ANK3: variants seen among roughly 807,000 people sequenced by gnomAD.
The protein encoded by ANK3 is ankyrin 3, also known as ankyrin-3.
A neutral mutation model predicts 370.9 loss-of-function variants in ANK3; 57 were observed. The observed-to-expected ratio is 0.15, with a 90% CI of 0.12 to 0.19. The LOEUF (loss-of-function observed/expected upper bound fraction) is 0.19, where lower values mean the gene tolerates loss of function less well. Ranked by LOEUF, ANK3 falls within the 10% of genes least tolerant of loss-of-function variation. ANK3 has a pLI of 1.00. For synonymous variants in ANK3, 1,929 were observed against 1,946.3 expected (o/e 0.99, Z 0.23); for missense variants, 4,439 against 5,302.1 (o/e 0.84, Z 5.06).
chr10:60,501,190 G>A (rs2133143157), intron 2 of ANK3, among the ~76,000 whole-genome samples: 1 of 152,228 alleles, frequency 6.6e-6, no homozygotes, highest in African/African-American at 2.4e-5. Context: ...GGAGGAATAG[G>A]GCAGAGAGGA....
intron 1 of ANK3, among the ~76,000 whole-genome samples, chr10:60,336,674 T>C (rs1393547821): frequency 6.6e-6 from 1 of 152,182 alleles, no homozygotes; most frequent in Non-Finnish European, 1.5e-5. Context: ...ATCAGTGGTT[T>C]ACTAAAAAAA....
At chr10:60,528,616 C>T (rs1421773696) in intron 2 of ANK3, among the ~76,000 whole-genome samples, 1 of 152,084 alleles carries the variant, frequency 6.6e-6, no homozygotes, top group African/African-American at 2.4e-5. Flanking sequence ...ATGGTTCAAC[C>T]TATGCATTAG....
At chr10:60,689,270 G>A (rs879894878) in intron 1 of ANK3, among the ~76,000 whole-genome samples, 3 of 152,126 alleles carry the variant, frequency 2.0e-5, no homozygotes, top group South Asian at 2.1e-4. Flanking sequence ...GTGGTGCCAC[G>A]TGCCTGTAGT....
At chr10:60,256,845 TACC>T (rs1232370348) in intron 7 of ANK3, among the ~76,000 whole-genome samples, 3 of 152,236 alleles carry the variant, frequency 2.0e-5, no homozygotes, top group Non-Finnish European at 4.4e-5. Context: ...AGTATATATG[TACC>T]ACATTTTCTT....
chr10:60,240,632 C>T (rs1458046421), intron 7 of ANK3, among the ~76,000 whole-genome samples: 2 of 152,056 alleles, frequency 1.3e-5, no homozygotes, highest in South Asian at 2.1e-4. Context: ...CTTGCTGTTG[C>T]CCAGGCTGGA....
At position 60,688,927 on chromosome 10, in the gene ANK3, G is replaced by A. The variant is rs536590154; in HGVS notation, c.57+44336C>T. Reference sequence around the variant, plus strand: ...CGTGCCACTGCACTCCAGCCTAGGCGACAGAGTGAGACTCCGTTTCAAAAA... The same window carrying A: ...CGTGCCACTGCACTCCAGCCTAGGCAACAGAGTGAGACTCCGTTTCAAAAA... On this transcript the variant is annotated intron_variant, in intron 1 of 43. Coordinates refer to the ANK3 transcript ENST00000373827. 7.4e-5 allele frequency among the ~76,000 whole-genome samples: 11 copies of A among 149,658 alleles called. No homozygotes were observed. The South Asian group carries it at 1.7e-3, about 23-fold the overall frequency.
chr10:60,491,785 T>C (rs2075513943), intron 2 of ANK3, among the ~76,000 whole-genome samples: 1 of 152,162 alleles, frequency 6.6e-6, no homozygotes, highest in Non-Finnish European at 1.5e-5. Context: ...AAATCTCAGT[T>C]TTACTCCTTG....
chr10:60,168,906 T>C (rs554613114), intron 21 of ANK3, among the ~76,000 whole-genome samples: 2 of 152,348 alleles, frequency 1.3e-5, no homozygotes, highest in East Asian at 3.9e-4. Context: ...CAGTATTCCA[T>C]GGTGTATATG....
intron 28 of ANK3, among the ~76,000 whole-genome samples, chr10:60,094,001 A>G (rs1476062686): frequency 6.6e-6 from 1 of 152,068 alleles, no homozygotes; most frequent in Non-Finnish European, 1.5e-5. Flanking sequence ...TTTTAACAGT[A>G]TTTTGAAGAT....
chr10:60,661,013 T>C (rs1039983852), intron 1 of ANK3, among the ~76,000 whole-genome samples: 2 of 152,058 alleles, frequency 1.3e-5, no homozygotes. Flanking sequence ...GGCTTAGTTC[T>C]CTAAGAACTA....
chr10:60,713,480 A>C (rs1181693050), intron 1 of ANK3, among the ~76,000 whole-genome samples: 1 of 152,218 alleles, frequency 6.6e-6, no homozygotes, highest in Non-Finnish European at 1.5e-5. Context: ...GGAAATTTAT[A>C]GTATTGAAGA....
At chr10:60,411,887 T>C (rs1403326461) in intron 2 of ANK3, among the ~76,000 whole-genome samples, 1 of 152,122 alleles carries the variant, frequency 6.6e-6, no homozygotes, top group Non-Finnish European at 1.5e-5. Flanking sequence ...AGGAGTCAAA[T>C]TTAAAAAAAT....
At chr10:60,049,444 G>A (rs1413594276) in intron 42 of ANK3, among the ~76,000 whole-genome samples, 8 of 152,142 alleles carry the variant, frequency 5.3e-5, no homozygotes, top group South Asian at 2.1e-4. Context: ...AAAATTAGCC[G>A]GGTGTGGTGT....
At chr10:60,241,752 T>TC (rs1431711246) in intron 7 of ANK3, among the ~76,000 whole-genome samples, 1 of 152,180 alleles carries the variant, frequency 6.6e-6, no homozygotes, top group Non-Finnish European at 1.5e-5. Flanking sequence ...TACTTTTTTT[T>TC]CTCTAGTATT....
intron 1 of ANK3, among the ~76,000 whole-genome samples, chr10:60,304,367 G>A (rs1298869071): frequency 6.6e-6 from 1 of 152,150 alleles, no homozygotes; most frequent in African/African-American, 2.4e-5. Flanking sequence ...CATTGGCTGG[G>A]GGTGGTGGCT....
intron 7 of ANK3, among the ~76,000 whole-genome samples, chr10:60,247,565 C>A (rs61273266): frequency 6.6e-6 from 1 of 152,102 alleles, no homozygotes; most frequent in African/African-American, 2.4e-5. Context: ...CTTTTGTCTC[C>A]GAATCTGACT....
intron 42 of ANK3, among the ~76,000 whole-genome samples, chr10:60,047,084 G>T (rs571671348): frequency 3.9e-5 from 6 of 152,296 alleles, no homozygotes; most frequent in African/African-American, 1.4e-4. Flanking sequence ...TGGGATTACA[G>T]GCCTGAGCCA....
intron 2 of ANK3, among the ~76,000 whole-genome samples, chr10:60,431,272 A>G (rs368096490): frequency 1.3e-5 from 2 of 152,300 alleles, no homozygotes; most frequent in South Asian, 4.1e-4. Context: ...GATCCCTCAC[A>G]CACATAGTTC....
chr10:60,240,153 TAC>T, intron 7 of ANK3, among the ~76,000 whole-genome samples: 1 of 132,218 alleles, frequency 7.6e-6, no homozygotes, highest in African/African-American at 3.0e-5. Context: ...CACATATATA[TAC>T]ATATATACAC....
Sources: gnomAD v4.1 joint callset for allele counts (sites outside exome capture counted in the v4.1 genomes callset) on GRCh38, gnomAD v4.1.1 for gene constraint, MANE v1.5 for transcripts, NCBI Gene and HGNC (gene_info 2026-07-23, HGNC 2026-07-21) for gene names.